Variants in ASPRV1 observed in about 807,000 individuals in gnomAD.
The protein encoded by ASPRV1 is retroviral-like aspartic protease 1.
In ASPRV1, 7 loss-of-function variants were observed where a neutral mutation model predicts 11.0. The ratio of observed to expected loss-of-function variants is 0.64; its 90% CI spans 0.36 to 1.20. The LOEUF is 1.20. Ranked by LOEUF, ASPRV1 falls within the 50% of genes most tolerant of loss-of-function variation. The probability of loss-of-function intolerance (pLI) is 0.02; values close to 1 mark genes in which losing one functional copy is unlikely to be tolerated. For missense variants in ASPRV1, 299 were observed against 320.0 expected (o/e 0.93, Z 0.50); for synonymous variants, 136 against 138.4 (o/e 0.98, Z 0.12).
chr2:70,026,206 C>G, the ASPRV1 span, among the ~76,000 whole-genome samples: 3 of 152,136 alleles, frequency 2.0e-5, no homozygotes, highest in African/African-American at 7.2e-5. Context: ...GTAATCCCAG[C>G]TACTTGGGAG....
In ASPRV1 at chr2:69,960,967, T is replaced by C; in HGVS notation, c.470A>G (p.Asn157Ser). The change falls in exon 1 of 1, where the codon AAT becomes AGT. Residue 157 changes from asparagine (N) to serine (S), a missense_variant. Coordinates refer to ENST00000320256, the MANE Select transcript of ASPRV1 (RefSeq NM_152792.4). ...AGCACCATTGGCCACCTTTACCACA[T>C]TCTCAAAGGGCTGCAGGGTGTCCAG... Reference protein sequence around the residue: ...GDLDTLQPFENVVKVANGAEM... With the variant: ...GDLDTLQPFESVVKVANGAEM... 1 of 1,614,038 alleles carries C rather than the reference T, an allele frequency of 6.2e-7. No individual in the cohort carries two copies. Among genetic ancestry groups the C allele is most frequent in the Non-Finnish European group, 8.5e-7 (1 of 1,179,994 alleles).
the ASPRV1 span, among the ~76,000 whole-genome samples, chr2:69,974,103 C>T: frequency 1.3e-5 from 2 of 151,826 alleles, no homozygotes; most frequent in Non-Finnish European, 2.9e-5. Context: ...TTTGGGAGAC[C>T]GAGGCGGGCA....
the ASPRV1 span, chr2:70,060,221 A>T: frequency 6.6e-6 from 1 of 151,360 alleles, no homozygotes; most frequent in African/African-American, 2.4e-5. Context: ...CACATCTGTA[A>T]TTCCAGCTAC....
chr2:69,971,450 T>C, the ASPRV1 span, among the ~76,000 whole-genome samples: 1 of 152,156 alleles, frequency 6.6e-6, no homozygotes, highest in Non-Finnish European at 1.5e-5. Context: ...TCAATGTGAT[T>C]AGAATAGAAC....
At chr2:70,068,180 A>G in the ASPRV1 span, among the ~76,000 whole-genome samples, 8 of 152,254 alleles carry the variant, frequency 5.3e-5, no homozygotes, top group Non-Finnish European at 1.2e-4. Flanking sequence ...ATGGGTATAG[A>G]TGCCAGCTTC....
the ASPRV1 span, among the ~76,000 whole-genome samples, chr2:70,076,284 A>C: frequency 6.6e-6 from 1 of 152,258 alleles, no homozygotes; most frequent in African/African-American, 2.4e-5. Context: ...AAAGCTCTGG[A>C]GTTTGACTGC....
chr2:70,010,249 GGAC>G, the ASPRV1 span, among the ~76,000 whole-genome samples: 1 of 152,094 alleles, frequency 6.6e-6, no homozygotes, highest in African/African-American at 2.4e-5. Context: ...AAAGCTCTAA[GGAC>G]GTGATAAGGG....
chr2:70,086,815 C>T, the ASPRV1 span, among the ~76,000 whole-genome samples: 2 of 152,252 alleles, frequency 1.3e-5, no homozygotes, highest in Non-Finnish European at 2.9e-5. Flanking sequence ...GTTTCTAGCA[C>T]GCCCCACAAA....
chr2:69,936,410 C>G, the ASPRV1 span, among the ~76,000 whole-genome samples: 1 of 152,166 alleles, frequency 6.6e-6, no homozygotes, highest in Admixed American at 6.5e-5. Context: ...AGTTGACACT[C>G]TCTTTGCTAC....
At chr2:70,073,330 C>T in the ASPRV1 span, 1 of 152,234 alleles carries the variant, frequency 6.6e-6, no homozygotes, top group African/African-American at 2.4e-5. Context: ...TAATAAATAA[C>T]TAAGAAGTCC....
the ASPRV1 span, among the ~76,000 whole-genome samples, chr2:69,998,467 C>T: frequency 2.0e-5 from 3 of 152,140 alleles, no homozygotes; most frequent in East Asian, 1.9e-4. Context: ...TGGTGCCGGG[C>T]GCAGTGGCTC....
chr2:69,948,776 C>T, the ASPRV1 span, among the ~76,000 whole-genome samples: 20 of 151,394 alleles, frequency 1.3e-4, no homozygotes, highest in African/African-American at 4.2e-4. Flanking sequence ...CCGCTCTGCC[C>T]ACGCCCCCCG....
chr2:70,028,155 G>C, the ASPRV1 span, among the ~76,000 whole-genome samples: 1 of 152,160 alleles, frequency 6.6e-6, no homozygotes, highest in South Asian at 2.1e-4. Flanking sequence ...GCCACATTGG[G>C]TGAGGCTGGG....
chr2:70,055,644 G>A, the ASPRV1 span: 1 of 151,582 alleles, frequency 6.6e-6, no homozygotes, highest in Non-Finnish European at 1.5e-5. Context: ...GGGGTGAGGG[G>A]AGGGAACTTA....
the ASPRV1 span, among the ~76,000 whole-genome samples, chr2:70,073,969 T>C: frequency 6.6e-6 from 1 of 151,108 alleles, no homozygotes; most frequent in Non-Finnish European, 1.5e-5. Context: ...CCATCTCTAC[T>C]AAAAATACAA....
chr2:69,949,423 T>G, the ASPRV1 span, among the ~76,000 whole-genome samples: 1 of 152,178 alleles, frequency 6.6e-6, no homozygotes. Context: ...GTGAGGTTTT[T>G]ACTAATCACT....
upstream of ASPRV1, among the ~76,000 whole-genome samples, chr2:69,966,222 C>G (rs1359718376): frequency 6.6e-6 from 1 of 152,208 alleles, no homozygotes. Flanking sequence ...TTGCCAAAAC[C>G]GGTTCTCCCC....
chr2:69,981,578 A>G, the ASPRV1 span, among the ~76,000 whole-genome samples: 1 of 152,164 alleles, frequency 6.6e-6, no homozygotes, highest in African/African-American at 2.4e-5. Context: ...TTGTTTTGGG[A>G]TGGAGTCTTA....
At chr2:70,081,952 A>G in the ASPRV1 span, among the ~76,000 whole-genome samples, 7 of 152,162 alleles carry the variant, frequency 4.6e-5, no homozygotes, top group South Asian at 1.5e-3. Context: ...ACCACTTAAA[A>G]AAAAAAGCTA....
Sources: gnomAD v4.1 joint callset for allele counts (sites outside exome capture counted in the v4.1 genomes callset) on GRCh38, gnomAD v4.1.1 for gene constraint, MANE v1.5 for transcripts, NCBI Gene and HGNC (gene_info 2026-07-23, HGNC 2026-07-21) for gene names.